The following MYO5B variants were observed in gnomAD, a reference collection of about 807,000 sequenced individuals.
The protein encoded by MYO5B is myosin VB.
In MYO5B, 143 loss-of-function variants were observed where a neutral mutation model predicts 229.3. That is an observed-to-expected ratio of 0.62 (90% confidence interval 0.54 to 0.72). The LOEUF is 0.72. Among genes scored for constraint, MYO5B ranks in the 30% least tolerant of loss-of-function variants. MYO5B has a pLI of 0.00. For synonymous variants in MYO5B, 918 were observed against 885.2 expected (o/e 1.04, Z -0.66); for missense variants, 2,321 against 2,331.0 (o/e 1.00, Z 0.09).
Position 49,953,302 on chromosome 18 carries a change from GTC to G in MYO5B, c.1708_1709del (p.Asp570HisfsTer4). On this transcript the variant is annotated frameshift_variant, in exon 14 of 40. Coordinates refer to ENST00000285039, the MANE Select transcript of MYO5B (RefSeq NM_001080467.3). LOFTEE classifies it high-confidence loss of function. The part of the protein sequence containing the change: ...LSDGFLEKNR[D>X]TVYEEQINIL... ...TATTGATCTGCTCTTCATACACCGT[GTC>G]TCTGTTTTTCTCCAGAAAACCATCA... 2.5e-6 allele frequency: 4 copies of G among 1,614,088 alleles called. No individual in the cohort carries two copies. The highest frequency in any genetic ancestry group is 1.1e-5 in the South Asian group (1 of 91,070).
At chr18:50,083,715 C>A (rs1294593248) in intron 1 of MYO5B, among the ~76,000 whole-genome samples, 1 of 152,160 alleles carries the variant, frequency 6.6e-6, no homozygotes, top group Non-Finnish European at 1.5e-5. Flanking sequence ...CATTCTGCAA[C>A]TACATGAGCT....
chr18:50,063,536 C>T (rs531102340), intron 1 of MYO5B, among the ~76,000 whole-genome samples: 10 of 152,080 alleles, frequency 6.6e-5, no homozygotes, highest in African/African-American at 2.2e-4. Flanking sequence ...TATACACAGA[C>T]GGGGACAGCA....
chr18:49,877,459 C>G (rs994814994), intron 25 of MYO5B, among the ~76,000 whole-genome samples: 1 of 152,172 alleles, frequency 6.6e-6, no homozygotes, highest in African/African-American at 2.4e-5. Context: ...TCCTAAACCA[C>G]CTATTTCACC....
intron 1 of MYO5B, among the ~76,000 whole-genome samples, chr18:50,127,063 G>A (rs1331400577): frequency 1.3e-5 from 2 of 152,152 alleles, no homozygotes; most frequent in Non-Finnish European, 2.9e-5. Context: ...TAAGACCCAA[G>A]AGGCAGGTGG....
At chr18:49,955,778 C>T (rs2025486075) in intron 12 of MYO5B, among the ~76,000 whole-genome samples, 1 of 152,184 alleles carries the variant, frequency 6.6e-6, no homozygotes, top group African/African-American at 2.4e-5. Flanking sequence ...TCCATATATA[C>T]TGTTTTATAT....
intron 10 of MYO5B, among the ~76,000 whole-genome samples, chr18:49,965,698 G>A (rs981552887): frequency 6.6e-6 from 1 of 152,210 alleles, no homozygotes; most frequent in Non-Finnish European, 1.5e-5. Flanking sequence ...CAGAGAGTCG[G>A]TAGGCAGAGG....
At position 50,014,256 on chromosome 18, in the gene MYO5B, A is replaced by G. The variant is rs151193674; in HGVS notation, c.456-12845T>C. 1.3e-3 allele frequency among the ~76,000 whole-genome samples: 178 copies of G among 131,860 alleles called. 1 individual carries two copies. Among genetic ancestry groups the G allele is most frequent in the African/African-American group, 4.6e-3 (163 of 35,072 alleles). The allele number at this position is 131,860 out of a possible 152,430, so 86.5% of individuals were successfully genotyped here. A position where few individuals can be genotyped will look rare whatever the true frequency, so the allele number is the denominator to read the frequency against. On this transcript the variant is annotated intron_variant, in intron 4 of 39. Coordinates refer to ENST00000285039, the MANE Select transcript of MYO5B (RefSeq NM_001080467.3). ...TCTACATAAAAAAAGTCCCAAAATT[A>G]TGGAGAAAATGGATGAGAAAGGAAA...
intron 2 of MYO5B, among the ~76,000 whole-genome samples, chr18:50,043,496 T>C (rs1335691036): frequency 1.1e-5 from 1 of 89,108 alleles, no homozygotes; most frequent in Non-Finnish European, 2.2e-5. Flanking sequence ...TATTTTTATA[T>C]ATAAATATAA....
intron 1 of MYO5B, among the ~76,000 whole-genome samples, chr18:50,101,992 T>A (rs901196809): frequency 6.6e-6 from 1 of 152,140 alleles, no homozygotes; most frequent in African/African-American, 2.4e-5. Context: ...CAAATGCCCA[T>A]TGATGATAGA....
At chr18:50,071,770 G>T (rs2030963232) in intron 1 of MYO5B, among the ~76,000 whole-genome samples, 1 of 152,226 alleles carries the variant, frequency 6.6e-6, no homozygotes, top group Non-Finnish European at 1.5e-5. Context: ...GAAGCAATGG[G>T]TGTGTTAAAT....
intron 1 of MYO5B, among the ~76,000 whole-genome samples, chr18:50,133,497 A>G (rs2144549828): frequency 6.6e-6 from 1 of 152,322 alleles, no homozygotes; most frequent in South Asian, 2.1e-4. Context: ...GTAGGTGCAG[A>G]CACAACTGCT....
chr18:50,181,395 A>G (rs1413855656), intron 1 of MYO5B, among the ~76,000 whole-genome samples: 4 of 152,246 alleles, frequency 2.6e-5, no homozygotes, highest in Non-Finnish European at 5.9e-5. Flanking sequence ...GATGGCTAGT[A>G]AGAGGCCTCA....
At position 49,974,439 on chromosome 18, in the gene MYO5B, C is replaced by T. The variant is rs754800996; in HGVS notation, c.1233G>A (p.Gln411=). Residue 411 remains glutamine (Q), a synonymous_variant, in exon 10 of 40, where the codon CAG becomes CAA. Coordinates refer to ENST00000285039, the MANE Select transcript of MYO5B (RefSeq NM_001080467.3). ...TGTGCTCCACAATCCAGCCGAACAA[C>T]TGGGCATAGATGTGCTTCGCCAGGG... is the stretch of plus-strand genomic sequence containing the variant. ...RNALAKHIYA[Q]LFGWIVEHIN... 1.2e-6 allele frequency: 2 copies of T among 1,614,200 alleles called. No homozygotes were observed. Among genetic ancestry groups the T allele is most frequent in the Non-Finnish European group, 1.7e-6 (2 of 1,180,032 alleles).
At chr18:49,974,779 T>TCTCACACACACACACA (rs1555648454) in intron 9 of MYO5B, among the ~76,000 whole-genome samples, 164 bp from the exon 10 acceptor site, 1 of 117,048 alleles carries the variant, frequency 8.5e-6, no homozygotes, top group African/African-American at 3.8e-5. Context: ...GCAGTCTCTC[T>TCTCACACACACACACA]CACACACACA....
At chr18:50,121,017 C>A (rs1202820661) in intron 1 of MYO5B, among the ~76,000 whole-genome samples, 1 of 152,218 alleles carries the variant, frequency 6.6e-6, no homozygotes, top group Non-Finnish European at 1.5e-5. Context: ...ACGGCCAGTG[C>A]AGATGCACCT....
chr18:50,047,175 T>C (rs1352226887), intron 2 of MYO5B, among the ~76,000 whole-genome samples: 3 of 152,122 alleles, frequency 2.0e-5, no homozygotes, highest in Non-Finnish European at 2.9e-5. Context: ...GGAGAAAATT[T>C]TTGCAACCTA....
At chr18:49,997,684 T>A (rs1034556224) in intron 5 of MYO5B, among the ~76,000 whole-genome samples, 1 of 152,152 alleles carries the variant, frequency 6.6e-6, no homozygotes, top group Non-Finnish European at 1.5e-5. Flanking sequence ...GTGCTGGTGA[T>A]GACAATAAAT....
intron 9 of MYO5B, among the ~76,000 whole-genome samples, chr18:49,978,538 GC>G (rs1287255102): frequency 6.6e-6 from 1 of 151,990 alleles, no homozygotes; most frequent in Non-Finnish European, 1.5e-5. Flanking sequence ...CACCCCTGAG[GC>G]CTGGAGAGCC....
At chr18:50,084,371 C>T (rs1316069839) in intron 1 of MYO5B, among the ~76,000 whole-genome samples, 1 of 152,166 alleles carries the variant, frequency 6.6e-6, no homozygotes, top group African/African-American at 2.4e-5. Context: ...CAAATCCCTT[C>T]TTCTGAATCT....
Sources: allele counts gnomAD v4.1 joint callset (sites outside exome capture counted in the v4.1 genomes callset), GRCh38; gene constraint gnomAD v4.1.1; transcripts MANE v1.5; gene names NCBI Gene and HGNC (gene_info 2026-07-23, HGNC 2026-07-21).